ITFG1: variants seen among roughly 807,000 people sequenced by gnomAD.
ITFG1 encodes integrin alpha FG-GAP repeat containing 1.
Under a neutral mutation model 81.8 loss-of-function variants are expected in ITFG1, and 34 were observed. The observed-to-expected ratio is 0.42, with a 90% CI of 0.32 to 0.55. The LOEUF (loss-of-function observed/expected upper bound fraction) is 0.55, where lower values mean the gene tolerates loss of function less well. Among genes scored for constraint, ITFG1 ranks in the 20% least tolerant of loss-of-function variants. ITFG1 has a pLI of 0.17. For missense variants in ITFG1, 672 were observed against 755.4 expected (o/e 0.89, Z 1.29); for synonymous variants, 285 against 270.6 (o/e 1.05, Z -0.52).
intron 6 of ITFG1, among the ~76,000 whole-genome samples, chr16:47,376,196 C>T (rs1968322228): frequency 6.6e-6 from 1 of 151,908 alleles, no homozygotes; most frequent in Admixed American, 6.6e-5. Context: ...TTATGTGTCG[C>T]ACTTTTTTTA....
At chr16:47,161,723 C>CCAAATCGGTT in intron 16 of ITFG1, 27 bp downstream of exon 16, 1 of 1,414,100 alleles carries the variant, frequency 7.1e-7, no homozygotes, top group South Asian at 1.2e-5. Flanking sequence ...AGTGTCTTTA[C>CCAAATCGGTT]CAAATCGGTT....
intron 14 of ITFG1, among the ~76,000 whole-genome samples, chr16:47,205,830 ATCT>A (rs2151522242): frequency 4.4e-5 from 1 of 22,948 alleles, no homozygotes; most frequent in East Asian, 2.3e-3. Flanking sequence ...GAATTAAATT[ATCT>A]ATCTATCTAT....
intron 5 of ITFG1, among the ~76,000 whole-genome samples, chr16:47,450,809 C>G (rs1367310243): frequency 6.6e-6 from 1 of 152,162 alleles, no homozygotes; most frequent in Non-Finnish European, 1.5e-5. Flanking sequence ...GAGACCAGTT[C>G]TATTTAAATC....
chr16:47,375,997 T>A, intron 6 of ITFG1, 57 bp from the exon 7 acceptor site: 1 of 973,510 alleles, frequency 1.0e-6, no homozygotes, highest in Non-Finnish European at 1.6e-6. Flanking sequence ...TGTGTACATT[T>A]AAAAACAGAA....
chr16:47,460,680 C>G (rs1395548103), intron 1 of ITFG1, among the ~76,000 whole-genome samples, 158 bp downstream of exon 1: 1 of 151,904 alleles, frequency 6.6e-6, no homozygotes, highest in African/African-American at 2.4e-5. Flanking sequence ...AAGGGTGGTG[C>G]AAAAGGACAA....
chr16:47,372,309 A>G (rs1968266837), intron 7 of ITFG1, among the ~76,000 whole-genome samples: 1 of 152,240 alleles, frequency 6.6e-6, no homozygotes, highest in African/African-American at 2.4e-5. Context: ...CAGTGGTGCA[A>G]TCATAGCTCA....
intron 5 of ITFG1, among the ~76,000 whole-genome samples, chr16:47,440,304 A>G (rs989811539): frequency 6.6e-6 from 1 of 152,228 alleles, no homozygotes; most frequent in African/African-American, 2.4e-5. Context: ...AAGGATATCC[A>G]GGAACTGAAC....
chr16:47,267,802 A>G (rs1206031473), intron 10 of ITFG1, among the ~76,000 whole-genome samples: 3 of 152,176 alleles, frequency 2.0e-5, no homozygotes, highest in African/African-American at 7.2e-5. Context: ...ACACTACTAA[A>G]TAAACCATGA....
chr16:47,389,336 G>A (rs946424928), intron 6 of ITFG1, among the ~76,000 whole-genome samples: 7 of 152,050 alleles, frequency 4.6e-5, no homozygotes, highest in African/African-American at 1.7e-4. Flanking sequence ...AAATGCAACT[G>A]TAATAAAACA....
Position 47,311,311 on chromosome 16 carries a change from G to C in ITFG1, c.999C>G (p.Thr333=). Residue 333 remains threonine, a synonymous_variant, in exon 10 of 18, where the codon ACC becomes ACG. Coordinates refer to ENST00000320640, the MANE Select transcript of ITFG1 (RefSeq NM_030790.5). ...QQPTEIPIPI[T]LHIGDYNMDG... is the part of the protein sequence containing the mutation. ...CCATATTGTAGTCTCCAATATGAAGGGTAATTGGAATTGGTATTTCAGTTG... is the reference window on the plus strand; with the variant it reads ...CCATATTGTAGTCTCCAATATGAAGCGTAATTGGAATTGGTATTTCAGTTG... 1 of 1,612,048 alleles carries C rather than the reference G, an allele frequency of 6.2e-7. No homozygotes were observed. The highest frequency in any genetic ancestry group is 1.1e-5 in the South Asian group (1 of 91,034).
At chr16:47,384,741 A>T (rs1567481701) in intron 6 of ITFG1, among the ~76,000 whole-genome samples, 3 of 152,236 alleles carry the variant, frequency 2.0e-5, no homozygotes, top group Admixed American at 2.0e-4. Flanking sequence ...CATCTTTTAA[A>T]TATCTCTGAC....
intron 14 of ITFG1, chr16:47,217,974 A>G (rs1260124038): frequency 6.6e-6 from 1 of 152,190 alleles, no homozygotes; most frequent in Non-Finnish European, 1.5e-5. Flanking sequence ...TTCTCCTTGA[A>G]TTTTTAAAAA....
In ITFG1 at chr16:47,459,121, T is replaced by C. The variant is rs755754951; in HGVS notation, c.263A>G (p.Lys88Arg). Residue 88 changes from lysine (K) to arginine (R), a missense_variant, in exon 2 of 18, where the codon AAA becomes AGA. Physicochemically the swap from Lys to Arg is conservative, Grantham distance 26. Transcript: ENST00000320640. ...ADQNAPYFKP[K>R]VKVSFKNHSA... ...TACTTACTTGAAAGATACCTTTACT[T>C]TGGGTTTAAAATAGGGTGCATTCTG... is the stretch of plus-strand genomic sequence containing the variant. 1.3e-6 allele frequency: 2 copies of C among 1,592,352 alleles called. No homozygotes were observed. The highest frequency in any genetic ancestry group is 1.7e-6 in the Non-Finnish European group (2 of 1,160,490).
rs796174958 is a variant in ITFG1, at chr16:47,365,182, A to G, written c.802+606T>C. Among the ~76,000 whole-genome samples the G allele has an allele frequency of 8.6e-4, 131 of 152,338 alleles. 1 individual carries two copies. Among genetic ancestry groups the G allele is most frequent in the African/African-American group, 3.0e-3 (124 of 41,580 alleles). On this transcript the variant is annotated intron_variant, in intron 8 of 17. Coordinates refer to ENST00000320640, the MANE Select transcript of ITFG1 (RefSeq NM_030790.5). The stretch of plus-strand genomic sequence containing the variant: ...TTTATTGGCATAATGAAGGATCAGC[A>G]GGATGGGAACAAGCACTGAACAGCT...
At chr16:47,313,086 C>A (rs1339265954) in intron 9 of ITFG1, 1 of 152,158 alleles carries the variant, frequency 6.6e-6, no homozygotes, top group Non-Finnish European at 1.5e-5. Context: ...CTGTAACTGG[C>A]TGTGTTCACT....
At chr16:47,377,093 T>C (rs1201150771) in intron 6 of ITFG1, among the ~76,000 whole-genome samples, 3 of 152,024 alleles carry the variant, frequency 2.0e-5, no homozygotes, top group African/African-American at 7.2e-5. Flanking sequence ...TTTTAATGTG[T>C]TTTCTGTAAG....
At chr16:47,368,294 G>A (rs1378186654) in intron 7 of ITFG1, among the ~76,000 whole-genome samples, 1 of 148,478 alleles carries the variant, frequency 6.7e-6, no homozygotes, top group East Asian at 2.0e-4. Context: ...GCTCACACTT[G>A]CAATCCCAGC....
At chr16:47,313,681 T>C (rs745348720) in intron 9 of ITFG1, 48 bp downstream of exon 9, 4 of 1,023,740 alleles carry the variant, frequency 3.9e-6, no homozygotes, top group African/African-American at 3.3e-5. Context: ...AAGATTTTTT[T>C]CCAAGCACAT....
At chr16:47,239,608 C>T (rs1355332432) in intron 12 of ITFG1, among the ~76,000 whole-genome samples, 1 of 151,986 alleles carries the variant, frequency 6.6e-6, no homozygotes, top group African/African-American at 2.4e-5. Context: ...AAGAGAATAC[C>T]TGTTCATTTA....
Sources: gnomAD v4.1 joint callset for allele counts (sites outside exome capture counted in the v4.1 genomes callset) on GRCh38, gnomAD v4.1.1 for gene constraint, MANE v1.5 for transcripts, NCBI Gene and HGNC (gene_info 2026-07-23, HGNC 2026-07-21) for gene names.